AGBL1: variants seen among roughly 807,000 people sequenced by gnomAD.
The protein encoded by AGBL1 is cytosolic carboxypeptidase 4.
AGBL1 carries 130 observed loss-of-function variants against 118.9 expected under a neutral mutation model. That is an observed-to-expected ratio of 1.09 (90% CI 0.95 to 1.26). The LOEUF is 1.26. Among genes scored for constraint, AGBL1 ranks in the 50% most tolerant of loss-of-function variants. The probability of loss-of-function intolerance (pLI) is 0.00; values close to 1 mark genes in which losing one functional copy is unlikely to be tolerated. For synonymous variants in AGBL1, 555 were observed against 478.9 expected, an observed-to-expected ratio of 1.16 and a Z score of -2.08; for missense variants, 1,584 against 1,298.1, an observed-to-expected ratio of 1.22 and a Z score of -3.38.
chr15:86,152,920 T>C (rs1325080742), intron 3 of AGBL1, among the ~76,000 whole-genome samples: 1 of 152,216 alleles, frequency 6.6e-6, no homozygotes, highest in Non-Finnish European at 1.5e-5. Flanking sequence ...ATGCTCATCA[T>C]CACTGGTCAT....
chr15:86,269,790 C>G, intron 13 of AGBL1, 129 bp from the exon 14 acceptor site: 1 of 1,105,946 alleles, frequency 9.0e-7, no homozygotes, highest in Non-Finnish European at 1.3e-6. Context: ...ATAAGTATAA[C>G]TTACCAGCTG....
chr15:86,266,344 C>G (rs774873102), intron 11 of AGBL1, 30 bp from the exon 12 acceptor site: 104 of 1,530,866 alleles, frequency 6.8e-5, no homozygotes, highest in Admixed American at 3.9e-5. Flanking sequence ...GAAGGCCGAC[C>G]CTTAAAATGT....
chr15:86,804,837 G>A (rs1192536312), intron 22 of AGBL1, among the ~76,000 whole-genome samples: 2 of 152,234 alleles, frequency 1.3e-5, no homozygotes, highest in East Asian at 3.9e-4. Context: ...AGTTTCTTTG[G>A]AAGAATTATT....
intron 22 of AGBL1, among the ~76,000 whole-genome samples, chr15:86,729,370 T>C (rs184169786): frequency 6.6e-6 from 1 of 152,322 alleles, no homozygotes; most frequent in Admixed American, 6.5e-5. Context: ...GGTGTAAGAA[T>C]GATCCTGTCA....
At position 86,548,663 on chromosome 15, in the gene AGBL1, G is replaced by GCGCACA. The variant is rs1028988193; in HGVS notation, c.2817+2531_2817+2532insGCACAC. 1.5e-3 allele frequency among the ~76,000 whole-genome samples: 219 copies of GCGCACA among 142,798 alleles called. 1 individual carries two copies. Among genetic ancestry groups the GCGCACA allele is most frequent in the African/African-American group, 5.6e-3 (215 of 38,614 alleles). 93.7% of individuals were successfully genotyped at this position (142,798 alleles called of 152,430 possible). A position where few individuals can be genotyped will look rare whatever the true frequency, so the allele number is the denominator to read the frequency against. On this transcript the variant is annotated intron_variant, in intron 20 of 22. Coordinates refer to ENST00000614907, the MANE Select transcript of AGBL1 (RefSeq NM_001386094.1). ...GATAGCCACACACACACACATGCACGCACACACACACACACACACACACAC... is the reference window on the plus strand; with the variant it reads ...GATAGCCACACACACACACATGCACGCGCACACACACACACACACACACACACACAC...
chr15:86,901,249 C>A (rs1383911474), intron 22 of AGBL1, among the ~76,000 whole-genome samples: 2 of 151,898 alleles, frequency 1.3e-5, no homozygotes, highest in African/African-American at 4.8e-5. Flanking sequence ...AGTTCAATTG[C>A]CTTTGGTGTC....
chr15:86,256,640 A>G (rs145173076), intron 7 of AGBL1, among the ~76,000 whole-genome samples: 2 of 152,258 alleles, frequency 1.3e-5, no homozygotes, highest in Admixed American at 1.3e-4. Context: ...AGAAAAGTGC[A>G]GATTCTACAT....
intron 22 of AGBL1, among the ~76,000 whole-genome samples, chr15:86,883,841 G>T (rs745718876): frequency 1.3e-5 from 2 of 152,068 alleles, no homozygotes; most frequent in Non-Finnish European, 2.9e-5. Context: ...GAATTTTAGT[G>T]CATTTAGGAT....
chr15:86,543,244 G>C (rs1344285403), intron 19 of AGBL1, among the ~76,000 whole-genome samples: 1 of 148,478 alleles, frequency 6.7e-6, no homozygotes, highest in Non-Finnish European at 1.5e-5. Flanking sequence ...AGTCTACCTT[G>C]AGATAACATA....
chr15:86,274,031 G>T (rs1277195801), intron 15 of AGBL1, among the ~76,000 whole-genome samples: 1 of 152,032 alleles, frequency 6.6e-6, no homozygotes, highest in African/African-American at 2.4e-5. Flanking sequence ...ATTTGTATGT[G>T]TTCTTACCAG....
At chr15:86,143,369 A>G (rs571474435) in intron 2 of AGBL1, among the ~76,000 whole-genome samples, 1 of 152,338 alleles carries the variant, frequency 6.6e-6, no homozygotes, top group African/African-American at 2.4e-5. Flanking sequence ...TGATTATTCA[A>G]AAGCCCATAT....
At chr15:86,339,737 G>T (rs2080432341) in intron 17 of AGBL1, among the ~76,000 whole-genome samples, 1 of 152,142 alleles carries the variant, frequency 6.6e-6, no homozygotes, top group Admixed American at 6.5e-5. Flanking sequence ...GGGAGGCCGA[G>T]GTGGGCGGAT....
At position 86,575,315 on chromosome 15, in the gene AGBL1, A is replaced by G. The variant is rs116862686; in HGVS notation, c.2994+20778A>G. Among the ~76,000 whole-genome samples, 3 of 151,798 alleles carry G rather than the reference A, an allele frequency of 2.0e-5. No homozygotes were observed. In the East Asian group the frequency reaches 6.0e-4, roughly 30 times the overall value. On this transcript the variant is annotated intron_variant, in intron 21 of 22. Coordinates refer to ENST00000614907, the MANE Select transcript of AGBL1 (RefSeq NM_001386094.1). The stretch of plus-strand genomic sequence containing the variant: ...GGAAGTCAGGACCAGCCTGGGCAAC[A>G]TAGTGAGACCTTGTCTCTATCAAAA...
chr15:86,855,749 C>T (rs749044130), intron 22 of AGBL1, among the ~76,000 whole-genome samples: 8 of 152,310 alleles, frequency 5.3e-5, no homozygotes, highest in South Asian at 2.1e-4. Flanking sequence ...TTCCTGTGCT[C>T]GCAGTCTGTG....
intron 23 of AGBL1, among the ~76,000 whole-genome samples, chr15:86,951,429 C>T (rs979951582): frequency 2.6e-5 from 4 of 152,086 alleles, no homozygotes; most frequent in African/African-American, 7.2e-5. Context: ...GAAAACAATT[C>T]AAATGTTGAT....
intron 9 of AGBL1, among the ~76,000 whole-genome samples, chr15:86,260,962 A>G (rs1467778686): frequency 6.6e-6 from 1 of 152,230 alleles, no homozygotes; most frequent in Non-Finnish European, 1.5e-5. Context: ...TCAGAGACTA[A>G]GCTCCAGAAC....
intron 23 of AGBL1, among the ~76,000 whole-genome samples, chr15:86,970,079 C>T (rs2081091776): frequency 6.6e-6 from 1 of 151,708 alleles, no homozygotes. Context: ...GCATGGGGAG[C>T]CCAAAAGTCT....
chr15:86,551,006 T>C (rs2083656677), intron 20 of AGBL1, among the ~76,000 whole-genome samples: 1 of 151,974 alleles, frequency 6.6e-6, no homozygotes, highest in Admixed American at 6.6e-5. Context: ...GGAAATCCAA[T>C]GGGTAATTAG....
intron 22 of AGBL1, among the ~76,000 whole-genome samples, chr15:86,717,715 T>C (rs1013743042): frequency 6.6e-6 from 1 of 152,158 alleles, no homozygotes; most frequent in Non-Finnish European, 1.5e-5. Context: ...TTTTGCCCCA[T>C]TGATACCTCC....
Sources: gnomAD v4.1 joint callset for allele counts (sites outside exome capture counted in the v4.1 genomes callset) on GRCh38, gnomAD v4.1.1 for gene constraint, MANE v1.5 for transcripts, NCBI Gene and HGNC (gene_info 2026-07-23, HGNC 2026-07-21) for gene names.